SHC3: variants seen among roughly 807,000 people sequenced by gnomAD.
SHC3 encodes the protein SHC adaptor protein 3.
SHC3 carries 15 observed loss-of-function variants against 60.4 expected under a neutral mutation model. The ratio of observed to expected loss-of-function variants is 0.25; its 90% confidence interval spans 0.17 to 0.38. The LOEUF is 0.38. Ranked by LOEUF, SHC3 falls within the 10% of genes least tolerant of loss-of-function variation. The pLI is 1.00. For synonymous variants in SHC3, 294 were observed against 325.9 expected, an observed-to-expected ratio of 0.90 and a Z score of 1.05; for missense variants, 677 against 786.1, an observed-to-expected ratio of 0.86 and a Z score of 1.66.
At chr9:89,170,034 G>C (rs185560000) in intron 1 of SHC3, among the ~76,000 whole-genome samples, 2 of 152,224 alleles carry the variant, frequency 1.3e-5, no homozygotes, top group African/African-American at 4.8e-5. Flanking sequence ...TCTTTCTCCT[G>C]CTGCCAGTTT....
rs564796923 is a variant in SHC3 at position 89,110,350 on chromosome 9, C to A, written c.545+2206G>T. 3.2e-5 allele frequency: 32 copies of A among 984,900 alleles called. No homozygotes were observed. In the East Asian group the frequency reaches 3.3e-3, roughly 101 times the overall value. The allele number at this position is 984,900 out of a possible 1,614,324, so 61.0% of individuals were successfully genotyped here. A position where few individuals can be genotyped will look rare whatever the true frequency, so the allele number is the denominator to read the frequency against. ...GTGTGACTGGAGTGCCTTTGGAAAC[C>A]AGTTTTCCTGGTGCCTGTATAATAT... On this transcript the variant is annotated intron_variant, in intron 2 of 11. Transcript: ENST00000375835.
At chr9:89,152,466 T>C (rs530219998) in intron 1 of SHC3, among the ~76,000 whole-genome samples, 1 of 152,364 alleles carries the variant, frequency 6.6e-6, no homozygotes, top group South Asian at 2.1e-4. Flanking sequence ...GCAGTCTTAG[T>C]GGGTCCACCA....
chr9:89,025,083 C>A (rs1275099811), intron 11 of SHC3, among the ~76,000 whole-genome samples: 1 of 152,184 alleles, frequency 6.6e-6, no homozygotes, highest in African/African-American at 2.4e-5. Flanking sequence ...GACACTCCAT[C>A]AATGACAAAA....
chr9:89,090,652 T>C (rs1825607255), intron 2 of SHC3, among the ~76,000 whole-genome samples: 3 of 152,036 alleles, frequency 2.0e-5, no homozygotes, highest in African/African-American at 7.3e-5. Flanking sequence ...AGAGGTCAGT[T>C]GAGCCCATGC....
At chr9:89,056,120 T>C (rs1824944860) in intron 6 of SHC3, among the ~76,000 whole-genome samples, 1 of 152,246 alleles carries the variant, frequency 6.6e-6, no homozygotes, top group Non-Finnish European at 1.5e-5. Flanking sequence ...TTCTTAATCA[T>C]CTTGAATGTG....
intron 1 of SHC3, among the ~76,000 whole-genome samples, chr9:89,153,201 C>T (rs1202364275): frequency 2.6e-5 from 4 of 152,092 alleles, no homozygotes; most frequent in Non-Finnish European, 5.9e-5. Context: ...TAACACTCAC[C>T]TTTTCCTAGT....
Position 89,042,132 on chromosome 9 carries a change from C to A in SHC3, c.1254G>T (p.Thr418=). The A allele has an allele frequency of 2.6e-6, 4 of 1,568,042 alleles. No homozygotes were observed. The Admixed American group carries it at 6.3e-5, about 25-fold the overall frequency. ...TGTTGACGTAGGTGGGTGCTTCTCC[C>A]GTGGGGGCCACGTGCAGTTTCCCTT... ...TPEGKLHVAP[T]GEAPTYVNTQ... Residue 418 remains threonine, a synonymous_variant, in exon 10 of 12, where the codon ACG becomes ACT. Coordinates refer to ENST00000375835, the MANE Select transcript of SHC3 (RefSeq NM_016848.6).
intron 11 of SHC3, among the ~76,000 whole-genome samples, chr9:89,017,844 GAC>G (rs1364333252): frequency 6.6e-6 from 1 of 152,222 alleles, no homozygotes; most frequent in African/African-American, 2.4e-5. Context: ...GATATGAACA[GAC>G]ACTTTTCAAA....
intron 1 of SHC3, among the ~76,000 whole-genome samples, chr9:89,142,353 G>A (rs1334930693): frequency 2.0e-5 from 3 of 151,828 alleles, no homozygotes; most frequent in Non-Finnish European, 4.4e-5. Context: ...TGAGGTCCAG[G>A]AGTTCAAAAC....
rs931929609 is a variant in SHC3, at chr9:89,132,676, A to G, written c.475-20050T>C. The stretch of plus-strand genomic sequence containing the variant: ...AAATGGGGAAAGGATTCCCTATTTA[A>G]TAAATGGTGCTGGGAAAACTGGCTA... On this transcript the variant is annotated intron_variant, in intron 1 of 11. Transcript: ENST00000375835. Among the ~76,000 whole-genome samples the G allele has an allele frequency of 9.2e-5, 14 of 152,350 alleles. No homozygotes were observed. The South Asian group carries it at 1.2e-3, about 14-fold the overall frequency.
intron 3 of SHC3, among the ~76,000 whole-genome samples, chr9:89,075,435 CAT>C (rs1486895312): frequency 1.3e-5 from 2 of 152,138 alleles, no homozygotes; most frequent in African/African-American, 2.4e-5. Context: ...AATTATAAAC[CAT>C]ATAATATGCA....
chr9:89,077,207 A>G (rs1825373636), intron 3 of SHC3, among the ~76,000 whole-genome samples: 1 of 152,008 alleles, frequency 6.6e-6, no homozygotes, highest in Non-Finnish European at 1.5e-5. Flanking sequence ...AAAAAAAAAC[A>G]GACAATAAAT....
At chr9:89,152,060 C>G (rs1826552887) in intron 1 of SHC3, among the ~76,000 whole-genome samples, 2 of 152,130 alleles carry the variant, frequency 1.3e-5, no homozygotes, top group Admixed American at 1.3e-4. Flanking sequence ...GGAGCCAGCC[C>G]CTAGTGATTT....
At chr9:89,028,578 A>G (rs1182823344) in intron 11 of SHC3, among the ~76,000 whole-genome samples, 1 of 146,506 alleles carries the variant, frequency 6.8e-6, no homozygotes, top group Non-Finnish European at 1.5e-5. Context: ...ATATAGATAT[A>G]TATTACACAC....
intron 10 of SHC3, among the ~76,000 whole-genome samples, chr9:89,038,900 C>T (rs1299421090): frequency 6.6e-6 from 1 of 152,240 alleles, no homozygotes; most frequent in African/African-American, 2.4e-5. Context: ...TGGAACGAGG[C>T]TCTCACATGA....
At chr9:89,040,149 A>T (rs1824654789) in intron 10 of SHC3, among the ~76,000 whole-genome samples, 1 of 52,030 alleles carries the variant, frequency 1.9e-5, no homozygotes, top group Non-Finnish European at 4.0e-5. Flanking sequence ...CAGCATCACC[A>T]CCATCATCAT....
At chr9:89,015,409 C>A (rs1213997106) in intron 11 of SHC3, among the ~76,000 whole-genome samples, 1 of 152,224 alleles carries the variant, frequency 6.6e-6, no homozygotes, top group African/African-American at 2.4e-5. Flanking sequence ...GTAGCCACAG[C>A]CCAGGCCCCA....
chr9:89,112,705 T>C, intron 1 of SHC3, 79 bp from the exon 2 acceptor site: 3 of 1,236,276 alleles, frequency 2.4e-6, no homozygotes, highest in Non-Finnish European at 3.4e-6. Flanking sequence ...AAGGGCATTT[T>C]TGGGAGCCAT....
chr9:89,068,229 C>T (rs1825214378), intron 5 of SHC3, among the ~76,000 whole-genome samples: 1 of 152,216 alleles, frequency 6.6e-6, no homozygotes, highest in South Asian at 2.1e-4. Context: ...GGCCATTGTT[C>T]TGGCATTTTT....
Sources: allele counts gnomAD v4.1 joint callset (sites outside exome capture counted in the v4.1 genomes callset), GRCh38; gene constraint gnomAD v4.1.1; transcripts MANE v1.5; gene names NCBI Gene and HGNC (gene_info 2026-07-23, HGNC 2026-07-21).